Variants in IRAG1 observed in about 807,000 individuals in gnomAD.
IRAG1 encodes inositol 1,4,5-triphosphate receptor associated 1, also known as IP3R-associated cGMP kinase substrate.
In IRAG1, 62 loss-of-function variants were observed where a neutral mutation model predicts 106.2. The ratio of observed to expected loss-of-function variants is 0.58; its 90% CI spans 0.48 to 0.72. The LOEUF (loss-of-function observed/expected upper bound fraction) is 0.72, where lower values mean the gene tolerates loss of function less well. Among genes scored for constraint, IRAG1 ranks in the 30% least tolerant of loss-of-function variants. IRAG1 has a pLI of 0.00. For synonymous variants in IRAG1, 462 were observed against 443.9 expected (o/e 1.04, Z -0.51); for missense variants, 1,064 against 1,140.7 (o/e 0.93, Z 0.97).
In IRAG1 at chr11:10,584,663, G is replaced by A. The variant is rs143172320; in HGVS notation, c.2241-2677C>T. On this transcript the variant is annotated intron_variant, in intron 18 of 20. Transcript: ENST00000423302. Reference sequence around the variant, plus strand: ...AGAGGTTCCTTAATGTTAAGCATGCGTGAAGGAGGACAGTGTAGTATAAAG... The same window carrying A: ...AGAGGTTCCTTAATGTTAAGCATGCATGAAGGAGGACAGTGTAGTATAAAG... Among the ~76,000 whole-genome samples, 107 of 149,974 alleles carry A rather than the reference G, an allele frequency of 7.1e-4. 3 individuals are homozygous for A. The East Asian group carries it at 0.02, about 28-fold the overall frequency.
intron 10 of IRAG1, among the ~76,000 whole-genome samples, chr11:10,617,698 C>G (rs770496941): frequency 1.3e-5 from 2 of 152,178 alleles, no homozygotes; most frequent in Non-Finnish European, 2.9e-5. Flanking sequence ...AACTCCTCCT[C>G]CTGTCTCACA....
At chr11:10,625,202 T>C (rs1856148250) in intron 9 of IRAG1, among the ~76,000 whole-genome samples, 1 of 152,142 alleles carries the variant, frequency 6.6e-6, no homozygotes, top group Admixed American at 6.5e-5. Flanking sequence ...TTTCCCTCTG[T>C]AGAGGAGCCA....
chr11:10,660,516 TC>T (rs1370264232), intron 1 of IRAG1, among the ~76,000 whole-genome samples: 5 of 152,104 alleles, frequency 3.3e-5, no homozygotes, highest in African/African-American at 9.6e-5. Flanking sequence ...CAGGGCCTTT[TC>T]CCCCCAGAGA....
At position 10,604,406 on chromosome 11, in the gene IRAG1, G is replaced by T. The variant is rs759576887; in HGVS notation, c.1742C>A (p.Thr581Lys). 2 of 1,613,828 alleles carry T rather than the reference G, an allele frequency of 1.2e-6. No homozygotes were observed. The highest frequency in any genetic ancestry group is 1.7e-6 in the Non-Finnish European group (2 of 1,179,880). Residue 581 changes from threonine to lysine, a missense_variant and splice_region_variant, in exon 13 of 21, where the codon ACG becomes AAG. Transcript: ENST00000423302. ...KELENFKASI[T>K]SSASLWHHCE... is the part of the protein sequence containing the mutation. ...CCTCACATCAGGCTCCACAATTACC[G>T]TAATGGAAGCTTTGAAGTTTTCCAG...
chr11:10,632,694 C>T (rs563551776), intron 3 of IRAG1, among the ~76,000 whole-genome samples: 2 of 152,198 alleles, frequency 1.3e-5, no homozygotes, highest in Non-Finnish European at 2.9e-5. Flanking sequence ...CCAACCACTG[C>T]CCTAAGAGGA....
chr11:10,607,151 C>A (rs1052331114), intron 11 of IRAG1, among the ~76,000 whole-genome samples: 3 of 152,126 alleles, frequency 2.0e-5, no homozygotes, highest in Admixed American at 1.3e-4. Flanking sequence ...GGAAATGTGA[C>A]CTTGAACTCA....
At chr11:10,597,179 A>G (rs1268804449) in intron 15 of IRAG1, among the ~76,000 whole-genome samples, 1 of 152,244 alleles carries the variant, frequency 6.6e-6, no homozygotes, top group Middle Eastern at 3.2e-3. Context: ...ATAATGAAGA[A>G]TAGCCTCAAA....
chr11:10,683,099 A>C (rs1861391139), intron 1 of IRAG1, among the ~76,000 whole-genome samples: 1 of 152,208 alleles, frequency 6.6e-6, no homozygotes, highest in African/African-American at 2.4e-5. Flanking sequence ...AACAAAGTAC[A>C]CTTCCTTAAT....
chr11:10,656,056 C>T (rs971240421), intron 1 of IRAG1, among the ~76,000 whole-genome samples: 1 of 152,210 alleles, frequency 6.6e-6, no homozygotes, highest in African/African-American at 2.4e-5. Flanking sequence ...AGAGTCCCTG[C>T]CCCAGGGTGA....
chr11:10,580,350 A>T, intron 20 of IRAG1, 105 bp downstream of exon 20: 2 of 1,519,526 alleles, frequency 1.3e-6, no homozygotes, highest in East Asian at 4.5e-5. Flanking sequence ...CCCCAGATTC[A>T]CTGCTGCCCT....
intron 7 of IRAG1, 24 bp downstream of exon 7, chr11:10,627,949 A>G: frequency 6.3e-7 from 1 of 1,595,434 alleles, no homozygotes; most frequent in Non-Finnish European, 8.6e-7. Context: ...TAGAAACAGC[A>G]CAGCAGGTGG....
At chr11:10,584,548 AATATAT>A (rs56768282) in intron 18 of IRAG1, among the ~76,000 whole-genome samples, 4,001 of 98,466 alleles carry the variant, frequency 0.041, 165 homozygotes, top group East Asian at 0.12. Flanking sequence ...TCTTTCATGA[AATATAT>A]ATATATATAT....
At chr11:10,605,364 C>A (rs950051543) in intron 12 of IRAG1, among the ~76,000 whole-genome samples, 2 of 152,094 alleles carry the variant, frequency 1.3e-5, no homozygotes, top group Non-Finnish European at 2.9e-5. Context: ...GTAACATGGC[C>A]CATGGAAGGC....
intron 2 of IRAG1, among the ~76,000 whole-genome samples, chr11:10,651,036 A>T (rs1858447858): frequency 6.6e-6 from 1 of 152,212 alleles, no homozygotes; most frequent in Non-Finnish European, 1.5e-5. Context: ...TCACTTAAAA[A>T]GCGTCTATCC....
chr11:10,638,653 T>C (rs942686135), intron 2 of IRAG1, among the ~76,000 whole-genome samples: 1 of 152,218 alleles, frequency 6.6e-6, no homozygotes. Context: ...CAAGAAGAAA[T>C]GCATTTTGTC....
chr11:10,634,785 G>GTGTGTGTGTA (rs755309873), intron 2 of IRAG1, among the ~76,000 whole-genome samples: 1 of 145,376 alleles, frequency 6.9e-6, no homozygotes, highest in South Asian at 2.2e-4. Flanking sequence ...GTGTGTGTGT[G>GTGTGTGTGTA]TATACAGACA....
At chr11:10,594,036 C>A in intron 16 of IRAG1, 110 bp downstream of exon 16, 1 of 1,050,638 alleles carries the variant, frequency 9.5e-7, no homozygotes. Context: ...AAACTCTGTT[C>A]AGAGATTCTC....
intron 18 of IRAG1, 29 bp from the exon 19 acceptor site, chr11:10,582,015 C>T (rs1564888735): frequency 3.2e-6 from 5 of 1,586,900 alleles, no homozygotes; most frequent in Non-Finnish European, 3.4e-6. Flanking sequence ...TACAGGGCAT[C>T]ATTTCAGAAA....
chr11:10,687,700 T>A, intron 1 of IRAG1: 1 of 1,288,526 alleles, frequency 7.8e-7, no homozygotes, highest in South Asian at 1.2e-5. Flanking sequence ...TGCGGTGTTT[T>A]TGGAGTTGAG....
Sources: gnomAD v4.1 joint callset for allele counts (sites outside exome capture counted in the v4.1 genomes callset) on GRCh38, gnomAD v4.1.1 for gene constraint, MANE v1.5 for transcripts, NCBI Gene and HGNC (gene_info 2026-07-23, HGNC 2026-07-21) for gene names.